SCAPER: variants seen among roughly 807,000 people sequenced by gnomAD.
SCAPER encodes the protein S-phase cyclin A associated protein in the ER.
Under a neutral mutation model 182.2 loss-of-function variants are expected in SCAPER, and 98 were observed. The observed-to-expected ratio is 0.54, with a 90% CI of 0.46 to 0.64. The LOEUF (loss-of-function observed/expected upper bound fraction) is 0.64, where lower values mean the gene tolerates loss of function less well. Among genes scored for constraint, SCAPER ranks in the 30% least tolerant of loss-of-function variants. The pLI, the probability that SCAPER is intolerant of heterozygous loss-of-function variation, is 0.00. For missense variants in SCAPER, 1,432 were observed against 1,690.0 expected (o/e 0.85, Z 2.68); for synonymous variants, 605 against 564.6 (o/e 1.07, Z -1.01).
chr15:76,615,289 T>C (rs2051348638), intron 22 of SCAPER, among the ~76,000 whole-genome samples: 1 of 151,372 alleles, frequency 6.6e-6, no homozygotes, highest in Non-Finnish European at 1.5e-5. Context: ...TACAAAAAAT[T>C]ACAAAAATTA....
chr15:76,475,592 C>T (rs974935984), intron 24 of SCAPER, among the ~76,000 whole-genome samples: 5 of 152,176 alleles, frequency 3.3e-5, no homozygotes, highest in Non-Finnish European at 5.9e-5. Context: ...GGATTACAGG[C>T]GTGAGCCACC....
At chr15:76,692,924 G>T (rs2058455836) in intron 20 of SCAPER, among the ~76,000 whole-genome samples, 1 of 151,904 alleles carries the variant, frequency 6.6e-6, no homozygotes, top group Admixed American at 6.6e-5. Context: ...TGAAAAAAAT[G>T]AAATGATCAA....
At chr15:76,370,307 T>TG (rs2042072407) in intron 29 of SCAPER, among the ~76,000 whole-genome samples, 13 of 99,944 alleles carry the variant, frequency 1.3e-4, no homozygotes, top group African/African-American at 3.8e-4. Flanking sequence ...TTTTTTTTTT[T>TG]TTTTTTTTTG....
intron 23 of SCAPER, among the ~76,000 whole-genome samples, chr15:76,568,344 CA>C (rs1272358408): frequency 1.3e-5 from 2 of 151,686 alleles, no homozygotes; most frequent in African/African-American, 4.9e-5. Flanking sequence ...CTTGGTAGAG[CA>C]AATCTTCCCA....
chr15:76,408,044 T>A (rs2044994605), intron 26 of SCAPER, among the ~76,000 whole-genome samples: 1 of 152,332 alleles, frequency 6.6e-6, no homozygotes, highest in African/African-American at 2.4e-5. Flanking sequence ...ATCAAATAAC[T>A]GGTGTTCAAA....
intron 23 of SCAPER, among the ~76,000 whole-genome samples, chr15:76,570,264 C>A (rs1003452197): frequency 1.3e-5 from 2 of 152,050 alleles, no homozygotes; most frequent in African/African-American, 4.8e-5. Flanking sequence ...GATCCCAAAC[C>A]AAAACATGAG....
At chr15:76,819,338 G>A (rs1403472501) in intron 5 of SCAPER, among the ~76,000 whole-genome samples, 1 of 152,204 alleles carries the variant, frequency 6.6e-6, no homozygotes, top group African/African-American at 2.4e-5. Flanking sequence ...CCACCCCCCA[G>A]TAGGGGCAGA....
chr15:76,874,161 T>G (rs2072985957), intron 2 of SCAPER, among the ~76,000 whole-genome samples: 1 of 152,200 alleles, frequency 6.6e-6, no homozygotes, highest in Non-Finnish European at 1.5e-5. Context: ...CCCAAATTGC[T>G]GGGATTACAG....
intron 26 of SCAPER, among the ~76,000 whole-genome samples, chr15:76,420,667 A>G (rs553391701): frequency 7.9e-5 from 12 of 152,300 alleles, no homozygotes; most frequent in Non-Finnish European, 1.2e-4. Flanking sequence ...CATGTGCACA[A>G]TGTGCAGGTT....
chr15:76,511,855 G>A (rs2042060181), intron 23 of SCAPER, among the ~76,000 whole-genome samples: 1 of 109,438 alleles, frequency 9.1e-6, no homozygotes, highest in African/African-American at 3.8e-5. Context: ...GTGTGTGTGT[G>A]TGTGTGTGTG....
At chr15:76,750,904 G>A (rs1038770631) in intron 15 of SCAPER, among the ~76,000 whole-genome samples, 1 of 151,736 alleles carries the variant, frequency 6.6e-6, no homozygotes, top group Non-Finnish European at 1.5e-5. Context: ...AATTAGGAAA[G>A]TAAAAGAAAT....
chr15:76,534,143 A>G (rs532244447), intron 23 of SCAPER, among the ~76,000 whole-genome samples: 22 of 152,344 alleles, frequency 1.4e-4, no homozygotes, highest in African/African-American at 4.8e-4. Context: ...TGACTCAGTT[A>G]TGTTGAGGCC....
chr15:76,398,098 T>C (rs1412698328), intron 27 of SCAPER, among the ~76,000 whole-genome samples: 3 of 152,224 alleles, frequency 2.0e-5, no homozygotes, highest in East Asian at 1.9e-4. Context: ...TTGCTTATGC[T>C]ATTTTCTTGG....
In SCAPER at chr15:76,722,536, G is replaced by A. The variant is rs549273975; in HGVS notation, c.2165+6059C>T. On this transcript the variant is annotated intron_variant, in intron 17 of 31. Transcript: ENST00000563290. ...CCTCCTTGTACCTCTGGTAGAATTC[G>A]GCTGTGAATCCGTCTGGTCCTGGAC... Among the ~76,000 whole-genome samples, 9 of 152,212 alleles carry A rather than the reference G, an allele frequency of 5.9e-5. No homozygotes were observed. The South Asian group carries it at 6.2e-4, about 11-fold the overall frequency.
intron 6 of SCAPER, among the ~76,000 whole-genome samples, chr15:76,803,783 A>G (rs2065949254): frequency 6.6e-6 from 1 of 152,192 alleles, no homozygotes; most frequent in Admixed American, 6.5e-5. Flanking sequence ...CCACCTCTTA[A>G]TACTATCACA....
rs1484136735 is a variant in SCAPER at position 76,857,414 on chromosome 15, C to G, written c.195+395G>C. On this transcript the variant is annotated intron_variant, in intron 4 of 31. Transcript: ENST00000563290. ...CACCACTGCACTCCAGCCTGGGCAA[C>G]AGGATGAGACTGTCTCAAAGAAAAA... Among the ~76,000 whole-genome samples the G allele has an allele frequency of 2.1e-5, 3 of 141,916 alleles. No individual in the cohort carries two copies. The Admixed American group carries it at 2.2e-4, about 10-fold the overall frequency. 93.1% of individuals were successfully genotyped at this position (141,916 alleles called of 152,430 possible). A position where few individuals can be genotyped will look rare whatever the true frequency, so the allele number is the denominator to read the frequency against.
chr15:76,827,323 T>C (rs988551371), intron 5 of SCAPER, among the ~76,000 whole-genome samples: 2 of 152,220 alleles, frequency 1.3e-5, no homozygotes, highest in Non-Finnish European at 2.9e-5. Flanking sequence ...CGTCTCCACT[T>C]GGAATCCCAT....
At chr15:76,454,558 C>A (rs1272884531) in intron 25 of SCAPER, among the ~76,000 whole-genome samples, 1 of 151,990 alleles carries the variant, frequency 6.6e-6, no homozygotes, top group African/African-American at 2.4e-5. Flanking sequence ...GAGAATATAA[C>A]GTTTAGTTTT....
chr15:76,824,323 A>T (rs2067813752), intron 5 of SCAPER, among the ~76,000 whole-genome samples: 5 of 152,222 alleles, frequency 3.3e-5, no homozygotes. Context: ...AATTAATTCT[A>T]GTTACTGGCG....
Sources: allele counts gnomAD v4.1 joint callset (sites outside exome capture counted in the v4.1 genomes callset), GRCh38; gene constraint gnomAD v4.1.1; transcripts MANE v1.5; gene names NCBI Gene and HGNC (gene_info 2026-07-23, HGNC 2026-07-21).